Variants in PP2D1 observed in about 807,000 individuals in gnomAD.
PP2D1 encodes protein phosphatase 2C-like domain-containing protein 1.
A neutral mutation model predicts 30.2 loss-of-function variants in PP2D1; 25 were observed. That is an observed-to-expected ratio of 0.83 (90% CI 0.60 to 1.16). The LOEUF (loss-of-function observed/expected upper bound fraction) is 1.16. Ranked by LOEUF, PP2D1 falls within the 50% of genes most tolerant of loss-of-function variation. The probability of loss-of-function intolerance (pLI) is 0.00; values close to 1 mark genes in which losing one functional copy is unlikely to be tolerated. For missense variants in PP2D1, 760 were observed against 742.4 expected, an observed-to-expected ratio of 1.02 and a Z score of -0.28; for synonymous variants, 260 against 258.9, an observed-to-expected ratio of 1.00 and a Z score of -0.04.
chr3:20,005,160 TA>T lies in PP2D1; in HGVS notation c.24-3065del, dbSNP rs1239851885. Reference sequence around the variant, plus strand: ...ATATATACATTTTTTTTTTTAAATTTATTTTTTTTGAGACGGAGTTTCGCTC... The same window carrying T: ...ATATATACATTTTTTTTTTTAAATTTTTTTTTTTGAGACGGAGTTTCGCTC... On this transcript the variant is annotated intron_variant, in intron 1 of 2. Transcript: ENST00000389050. Among the ~76,000 whole-genome samples, 6 of 151,912 alleles carry T rather than the reference TA, an allele frequency of 3.9e-5. No individual in the cohort carries two copies. The South Asian group carries it at 8.3e-4, about 21-fold the overall frequency.
At chr3:19,993,957 C>G (rs961978717) in intron 2 of PP2D1, among the ~76,000 whole-genome samples, 1 of 151,884 alleles carries the variant, frequency 6.6e-6, no homozygotes, top group Non-Finnish European at 1.5e-5. Context: ...TGGTCTTGAA[C>G]TCCTGACCTT....
chr3:19,998,262 G>A lies in PP2D1; in HGVS notation c.1090+2768C>T, dbSNP rs111547169. 3.3e-4 allele frequency among the ~76,000 whole-genome samples: 50 copies of A among 152,114 alleles called. 1 individual carries two copies. The highest frequency in any genetic ancestry group is 1.0e-3 in the African/African-American group (42 of 41,498). On this transcript the variant is annotated intron_variant, in intron 2 of 2. Coordinates refer to ENST00000389050, the MANE Select transcript of PP2D1 (RefSeq NM_001252657.2). Reference sequence around the variant, plus strand: ...GGAGAATGGCTTAAACCCGGGAGGCGGAGATTGCAGTGAGCCAAGATCGCG... The same window carrying A: ...GGAGAATGGCTTAAACCCGGGAGGCAGAGATTGCAGTGAGCCAAGATCGCG...
downstream of PP2D1, among the ~76,000 whole-genome samples, chr3:19,983,056 G>A (rs1385289241): frequency 6.6e-6 from 1 of 152,126 alleles, no homozygotes; most frequent in African/African-American, 2.4e-5. Flanking sequence ...TAATAATGAG[G>A]CCAGGTGCCA....
intron 2 of PP2D1, among the ~76,000 whole-genome samples, chr3:19,998,501 A>G (rs79823208): frequency 0.012 from 1,820 of 152,360 alleles, 32 homozygotes; most frequent in African/African-American, 0.039. Context: ...GGTGATGAAT[A>G]TCTTAAATAC....
At chr3:20,010,681 T>C (rs1212689012) in intron 1 of PP2D1, among the ~76,000 whole-genome samples, 1 of 151,938 alleles carries the variant, frequency 6.6e-6, no homozygotes, top group Non-Finnish European at 1.5e-5. Context: ...TGCGTGACTG[T>C]AATCCCAGCT....
chr3:19,988,033 G>A (rs962187675), intron 2 of PP2D1, among the ~76,000 whole-genome samples: 8 of 152,262 alleles, frequency 5.3e-5, no homozygotes, highest in Admixed American at 3.3e-4. Flanking sequence ...AGCTGGGGTT[G>A]TATGTCGCTT....
chr3:19,983,847 A>G (rs772325573), downstream of PP2D1: 20 of 1,436,926 alleles, frequency 1.4e-5, no homozygotes, highest in Non-Finnish European at 1.9e-5. Flanking sequence ...ACTAGCTGGA[A>G]TAGTCTTCTG....
In PP2D1 at chr3:19,985,461, A is replaced by G. The variant is rs1226118872; in HGVS notation, c.1812T>C (p.Ala604=). Residue 604 remains alanine (A), a synonymous_variant, in exon 3 of 3, where the codon GCT becomes GCC. Transcript: ENST00000389050. ...AEYVSHELVN[A]ALLAGSRDNI... ...TGTCTCTGGAGCCAGCCAGTAAAGC[A>G]GCATTTACAAGTTCATGGCTAACAT... The G allele has an allele frequency of 7.2e-6, 11 of 1,536,166 alleles. No homozygotes were observed. Among genetic ancestry groups the G allele is most frequent in the Non-Finnish European group, 9.6e-6 (11 of 1,146,874 alleles).
intron 1 of PP2D1, among the ~76,000 whole-genome samples, chr3:20,008,764 T>A (rs1697353086): frequency 6.6e-6 from 1 of 152,060 alleles, no homozygotes; most frequent in South Asian, 2.1e-4. Flanking sequence ...ACAAAAAAAA[T>A]TCATTTACTA....
intron 2 of PP2D1, among the ~76,000 whole-genome samples, chr3:19,991,379 T>C (rs1347086424): frequency 1.3e-5 from 2 of 152,174 alleles, no homozygotes; most frequent in East Asian, 3.9e-4. Flanking sequence ...TCAACATTTT[T>C]CTCAGATAAA....
At chr3:19,984,247 T>A (rs761678627), downstream of PP2D1, 7 of 427,672 alleles carry the variant, frequency 1.6e-5, no homozygotes, top group South Asian at 1.2e-4. Context: ...CTAAAGTTAT[T>A]TATGATGCTT....
chr3:19,991,437 A>T (rs1697118609), intron 2 of PP2D1, among the ~76,000 whole-genome samples: 1 of 152,222 alleles, frequency 6.6e-6, no homozygotes, highest in African/African-American at 2.4e-5. Flanking sequence ...GTTTAAAGAA[A>T]GAATGAGAGA....
intron 2 of PP2D1, among the ~76,000 whole-genome samples, chr3:19,995,622 C>T (rs1424349385): frequency 6.6e-6 from 1 of 152,190 alleles, no homozygotes; most frequent in Non-Finnish European, 1.5e-5. Context: ...AGGAAAATAA[C>T]ACCCACGATA....
chr3:19,993,539 C>T (rs1559497489), intron 2 of PP2D1, among the ~76,000 whole-genome samples: 1 of 152,052 alleles, frequency 6.6e-6, no homozygotes, highest in Non-Finnish European at 1.5e-5. Context: ...AGTTTGAGAC[C>T]AGCCTGGCCA....
intron 1 of PP2D1, among the ~76,000 whole-genome samples, chr3:20,011,053 A>G (rs1697379666): frequency 6.6e-6 from 1 of 152,264 alleles, no homozygotes; most frequent in African/African-American, 2.4e-5. Flanking sequence ...TCATCTGGCT[A>G]GGAATGGTGT....
chr3:19,999,150 GCTCAC>G (rs1362649183), intron 2 of PP2D1, among the ~76,000 whole-genome samples: 1 of 146,900 alleles, frequency 6.8e-6, no homozygotes, highest in Non-Finnish European at 1.5e-5. Flanking sequence ...CATGATCTCA[GCTCAC>G]TGCAACCTCC....
intron 2 of PP2D1, among the ~76,000 whole-genome samples, chr3:19,996,216 G>A (rs1697178414): frequency 6.6e-6 from 1 of 151,912 alleles, no homozygotes; most frequent in Non-Finnish European, 1.5e-5. Context: ...AGAAAAAAGA[G>A]AGAAAATCCC....
At chr3:19,987,037 C>CAAA (rs36014617) in intron 2 of PP2D1, among the ~76,000 whole-genome samples, 1 of 116,474 alleles carries the variant, frequency 8.6e-6, no homozygotes, top group African/African-American at 3.3e-5. Context: ...AAATCTGCCT[C>CAAA]AAAAAAAAAA....
At chr3:19,989,797 C>G (rs1306725835) in intron 2 of PP2D1, among the ~76,000 whole-genome samples, 1 of 152,130 alleles carries the variant, frequency 6.6e-6, no homozygotes, top group African/African-American at 2.4e-5. Context: ...TCACAATAGT[C>G]AAATCTATTG....
Sources: gnomAD v4.1 joint callset for allele counts (sites outside exome capture counted in the v4.1 genomes callset) on GRCh38, gnomAD v4.1.1 for gene constraint, MANE v1.5 for transcripts, NCBI Gene and HGNC (gene_info 2026-07-23, HGNC 2026-07-21) for gene names.